GASK1A: variants seen among roughly 807,000 people sequenced by gnomAD.
The protein encoded by GASK1A is Golgi-associated kinase 1A.
In GASK1A, 40 loss-of-function variants were observed where a neutral mutation model predicts 41.2. The observed-to-expected ratio is 0.97, with a 90% CI of 0.75 to 1.27. GASK1A has a LOEUF of 1.27. Ranked by LOEUF, GASK1A falls within the 50% of genes most tolerant of loss-of-function variation. The pLI, the probability that GASK1A is intolerant of heterozygous loss-of-function variation, is 0.00. For synonymous variants in GASK1A, 316 were observed against 307.1 expected, an observed-to-expected ratio of 1.03 and a Z score of -0.30; for missense variants, 678 against 745.1, an observed-to-expected ratio of 0.91 and a Z score of 1.05.
At position 43,056,541 on chromosome 3, in the gene GASK1A, G is replaced by A. The variant is rs114786723; in HGVS notation, c.*155G>A. The A allele has an allele frequency of 2.8e-4, 177 of 638,996 alleles. No individual in the cohort carries two copies. The highest frequency in any genetic ancestry group is 2.1e-3 in the African/African-American group (115 of 54,998). 39.6% of individuals were successfully genotyped at this position (638,996 alleles called of 1,614,324 possible). Reference sequence around the variant, plus strand: ...TGCCTGGGATGGTGGAGGTAGTATGGGGTTTTCAATCTCAAAGCGTCCCTT... The same window carrying A: ...TGCCTGGGATGGTGGAGGTAGTATGAGGTTTTCAATCTCAAAGCGTCCCTT... On this transcript the variant is annotated 3_prime_UTR_variant, in exon 5 of 5. Coordinates refer to ENST00000430121, the MANE Select transcript of GASK1A (RefSeq NM_001129908.3).
Position 43,056,365 on chromosome 3 carries a change from C to T in GASK1A, c.1707C>T (p.Leu569=). 1 of 1,548,886 alleles carries T rather than the reference C, an allele frequency of 6.5e-7. No homozygotes were observed. ...ACATCCAAAAGCACAACCTCACACTCTTCAGGGACGAGGACCCATAAGCCG... is the reference window on the plus strand; with the variant it reads ...ACATCCAAAAGCACAACCTCACACTTTTCAGGGACGAGGACCCATAAGCCG... The part of the protein sequence containing the change: ...LGHIQKHNLT[L]FRDEDP Residue 569 remains leucine (L), a synonymous_variant, in exon 5 of 5, where the codon CTC becomes CTT. Coordinates refer to ENST00000430121, the MANE Select transcript of GASK1A (RefSeq NM_001129908.3).
At chr3:43,029,365 G>T (rs2125685500) in intron 1 of GASK1A, among the ~76,000 whole-genome samples, 1 of 152,212 alleles carries the variant, frequency 6.6e-6, no homozygotes, top group East Asian at 1.9e-4. Context: ...CTGACTTACT[G>T]GGCAATGGTG....
chr3:42,995,991 C>T (rs2089367240), intron 1 of GASK1A, among the ~76,000 whole-genome samples: 1 of 152,220 alleles, frequency 6.6e-6, no homozygotes, highest in South Asian at 2.1e-4. Flanking sequence ...TGTTCCCACA[C>T]TGGCACTCTT....
rs563358395 is a variant in GASK1A, at chr3:42,997,366, T to C, written c.3+17721T>C. On this transcript the variant is annotated intron_variant, in intron 1 of 4. Transcript: ENST00000430121. ...TCGGAGCTCCCTTTTGGCCTGACTT[T>C]CCATGTTTCAAGTGTGAGGTATTAC... Among the ~76,000 whole-genome samples, 80 of 151,158 alleles carry C rather than the reference T, an allele frequency of 5.3e-4. 1 individual carries two copies. The highest frequency in any genetic ancestry group is 7.9e-4 in the Admixed American group (12 of 15,176).
chr3:43,005,917 G>C (rs769748778), intron 1 of GASK1A, among the ~76,000 whole-genome samples: 1 of 152,172 alleles, frequency 6.6e-6, no homozygotes, highest in Non-Finnish European at 1.5e-5. Flanking sequence ...TCTGATTTAT[G>C]GCAATGGGAT....
At chr3:43,052,104 T>A (rs1422797453) in intron 2 of GASK1A, among the ~76,000 whole-genome samples, 1 of 152,160 alleles carries the variant, frequency 6.6e-6, no homozygotes, top group African/African-American at 2.4e-5. Context: ...TCTGGGAGAT[T>A]TAAGAAAACG....
At chr3:43,001,077 C>T (rs975385695) in intron 1 of GASK1A, among the ~76,000 whole-genome samples, 4 of 152,142 alleles carry the variant, frequency 2.6e-5, no homozygotes, top group East Asian at 1.9e-4. Flanking sequence ...CTTCTCTTCC[C>T]CTCCTCCACC....
intron 1 of GASK1A, among the ~76,000 whole-genome samples, chr3:43,017,038 G>A (rs1419206159): frequency 2.0e-5 from 3 of 149,740 alleles, no homozygotes; most frequent in Non-Finnish European, 4.5e-5. Flanking sequence ...AAAGTCACAG[G>A]AAGTGTTGTG....
chr3:43,022,075 C>T (rs547413508), intron 1 of GASK1A, among the ~76,000 whole-genome samples: 5 of 152,312 alleles, frequency 3.3e-5, no homozygotes, highest in East Asian at 3.9e-4. Flanking sequence ...GAGGTGGGGC[C>T]GCCCCCCGGC....
intron 2 of GASK1A, among the ~76,000 whole-genome samples, chr3:43,038,621 T>A (rs2089617621): frequency 1.3e-5 from 2 of 151,300 alleles, no homozygotes; most frequent in Non-Finnish European, 1.5e-5. Context: ...AAATCCCCCA[T>A]TCTGTAGCAG....
At chr3:43,020,769 A>C (rs1476208716) in intron 1 of GASK1A, among the ~76,000 whole-genome samples, 1 of 152,210 alleles carries the variant, frequency 6.6e-6, no homozygotes. Context: ...CACCTGGGGC[A>C]AGCTCTTCTC....
At chr3:43,053,832 G>A (rs564786230) in intron 3 of GASK1A, 189 bp downstream of exon 3, 1 of 766,356 alleles carries the variant, frequency 1.3e-6, no homozygotes, top group African/African-American at 1.7e-5. Context: ...ACAAAATGGA[G>A]CTTTAAGAAT....
intron 1 of GASK1A, among the ~76,000 whole-genome samples, chr3:43,031,585 G>A (rs1048017399): frequency 1.1e-4 from 16 of 152,240 alleles, no homozygotes; most frequent in African/African-American, 3.6e-4. Flanking sequence ...AGGACTGCAT[G>A]TTGAGAAATC....
intron 1 of GASK1A, among the ~76,000 whole-genome samples, chr3:43,000,194 T>C (rs991806814): frequency 2.0e-5 from 3 of 152,224 alleles, no homozygotes; most frequent in African/African-American, 7.2e-5. Context: ...GGCCCAGTCC[T>C]GTGAGAGCGG....
intron 1 of GASK1A, among the ~76,000 whole-genome samples, chr3:42,987,140 T>A (rs960311167): frequency 6.6e-6 from 1 of 152,278 alleles, no homozygotes; most frequent in Non-Finnish European, 1.5e-5. Context: ...CCTTGGCCAG[T>A]TGCCATGAGA....
At chr3:42,988,634 G>T (rs1370325743) in intron 1 of GASK1A, among the ~76,000 whole-genome samples, 1 of 152,250 alleles carries the variant, frequency 6.6e-6, no homozygotes, top group African/African-American at 2.4e-5. Context: ...CCAGGCAGGT[G>T]CCCCTTTCAG....
chr3:42,987,178 C>G (rs1025337953), intron 1 of GASK1A, among the ~76,000 whole-genome samples: 16 of 152,376 alleles, frequency 1.1e-4, no homozygotes, highest in African/African-American at 3.8e-4. Flanking sequence ...GGCACGAGAG[C>G]CTTTATTCCT....
At chr3:42,997,816 A>T (rs943814997) in intron 1 of GASK1A, among the ~76,000 whole-genome samples, 32 of 152,356 alleles carry the variant, frequency 2.1e-4, no homozygotes, top group African/African-American at 7.7e-4. Context: ...TCTGGAAGAC[A>T]TCACCAGAAG....
intron 1 of GASK1A, among the ~76,000 whole-genome samples, chr3:42,987,118 A>G (rs1169351836): frequency 1.3e-5 from 2 of 152,278 alleles, no homozygotes; most frequent in East Asian, 3.8e-4. Flanking sequence ...ACTTCTGCGC[A>G]GAGGGGTGCC....
Sources: gnomAD v4.1 joint callset for allele counts (sites outside exome capture counted in the v4.1 genomes callset) on GRCh38, gnomAD v4.1.1 for gene constraint, MANE v1.5 for transcripts, NCBI Gene and HGNC (gene_info 2026-07-23, HGNC 2026-07-21) for gene names.